RPS24: variants seen among roughly 807,000 people sequenced by gnomAD.
RPS24 encodes ribosomal protein S24, also known as small ribosomal subunit protein eS24.
For synonymous variants in RPS24, 72 were observed against 55.6 expected (o/e 1.30, Z -1.31); for missense variants, 100 against 162.5 (o/e 0.62, Z 2.09).
downstream of RPS24, among the ~76,000 whole-genome samples, chr10:78,042,275 C>G (rs187271517): frequency 6.6e-6 from 1 of 152,310 alleles, no homozygotes; most frequent in Non-Finnish European, 1.5e-5. Flanking sequence ...TCTACCTGCC[C>G]TCTGGTCTTC....
intron 4 of RPS24, 172 bp downstream of exon 4, chr10:78,037,476 C>T: frequency 9.1e-7 from 1 of 1,096,544 alleles, no homozygotes; most frequent in Non-Finnish European, 1.3e-6. Context: ...AGCATAGTGT[C>T]TTAACACCTC....
At chr10:78,051,410 G>A (rs1297886924) in intron 4 of RPS24, among the ~76,000 whole-genome samples, 1 of 152,218 alleles carries the variant, frequency 6.6e-6, no homozygotes, top group Non-Finnish European at 1.5e-5. Context: ...CCACACCGTA[G>A]CATGTATCAG....
chr10:78,052,020 T>C (rs1302276355), intron 4 of RPS24, among the ~76,000 whole-genome samples: 1 of 151,968 alleles, frequency 6.6e-6, no homozygotes, highest in Non-Finnish European at 1.5e-5. Flanking sequence ...ATTTTTAAAA[T>C]TTATTTATTT....
rs376045832 is a variant in RPS24, at chr10:78,037,026, TTGA to T, written c.280-163_280-161del. Among the ~76,000 whole-genome samples, 65 of 152,334 alleles carry T rather than the reference TTGA, an allele frequency of 4.3e-4. No homozygotes were observed. The East Asian group carries it at 6.2e-3, about 14-fold the overall frequency. On this transcript the variant is annotated intron_variant, in intron 3 of 5. Transcript: ENST00000372360. ...GAGGCTATTCCATACCTAAAATCCC[TTGA>T]TGATCCTTTCTGTTCCAGCAAAAAC...
At position 78,035,737 on chromosome 10, in the gene RPS24, T is replaced by G; in HGVS notation, c.279+17T>G. On this transcript the variant is annotated intron_variant, in intron 3 of 5. Coordinates refer to ENST00000372360, the MANE Select transcript of RPS24 (RefSeq NM_033022.4). ...CTTGCAAGAGTAGGTGTCTTTTCAT[T>G]TGTTGATCAGCTCCTGAAGACCTAT... 6.3e-7 allele frequency: 1 copy of G among 1,590,332 alleles called. No individual in the cohort carries two copies. Among genetic ancestry groups the G allele is most frequent in the South Asian group, 1.1e-5 (1 of 90,854 alleles).
At chr10:78,036,356 GCAGTGGTA>G (rs1246235665) in intron 3 of RPS24, 1 of 157,612 alleles carries the variant, frequency 6.3e-6, no homozygotes, top group Non-Finnish European at 1.4e-5. Context: ...AGGCTGGAGT[GCAGTGGTA>G]CAATCTCCTT....
chr10:78,047,696 G>A (rs1267539441), intron 4 of RPS24, among the ~76,000 whole-genome samples: 3 of 152,182 alleles, frequency 2.0e-5, no homozygotes, highest in Non-Finnish European at 4.4e-5. Context: ...CTACCCATCC[G>A]TGCTGCGAGG....
chr10:78,055,047 A>G (rs1354588689), exon 5 of RPS24: 1 of 1,456,952 alleles, frequency 6.9e-7, no homozygotes, highest in African/African-American at 1.4e-5. Context: ...ATTTCTGAGG[A>G]TGCTTCATCT....
chr10:78,042,560 C>G (rs1847997739), downstream of RPS24, among the ~76,000 whole-genome samples: 1 of 152,214 alleles, frequency 6.6e-6, no homozygotes, highest in African/African-American at 2.4e-5. Context: ...TCACAGTAAC[C>G]AGGCTACCCT....
downstream of RPS24, among the ~76,000 whole-genome samples, chr10:78,042,212 A>G (rs1314747938): frequency 6.6e-6 from 1 of 152,226 alleles, no homozygotes; most frequent in Non-Finnish European, 1.5e-5. Context: ...CTGTTGGGAC[A>G]GGTATTCTCT....
At chr10:78,049,443 A>C (rs1178873401) in intron 4 of RPS24, among the ~76,000 whole-genome samples, 1 of 152,194 alleles carries the variant, frequency 6.6e-6, no homozygotes, top group East Asian at 1.9e-4. Flanking sequence ...AAGTCAGCTT[A>C]CACTGCCTTG....
chr10:78,042,869 TC>T (rs1324733067), downstream of RPS24, among the ~76,000 whole-genome samples: 2 of 152,186 alleles, frequency 1.3e-5, no homozygotes, highest in East Asian at 1.9e-4. Flanking sequence ...TCTGCACTCT[TC>T]CTTTCTTCCC....
intron 1 of RPS24, among the ~76,000 whole-genome samples, chr10:78,035,098 C>A (rs1847834136): frequency 6.6e-6 from 1 of 152,158 alleles, no homozygotes; most frequent in South Asian, 2.1e-4. Context: ...AGAAACCCTG[C>A]CCCAGAGATA....
At chr10:78,039,329 A>G (rs1847941925) in intron 4 of RPS24, 1 of 152,210 alleles carries the variant, frequency 6.6e-6, no homozygotes, top group Non-Finnish European at 1.5e-5. Flanking sequence ...CCAGCCTTTG[A>G]GCCCTATGAG....
chr10:78,041,068 G>A (rs1000825155), downstream of RPS24, among the ~76,000 whole-genome samples: 2 of 151,834 alleles, frequency 1.3e-5, no homozygotes, highest in East Asian at 1.9e-4. Context: ...GATTGAACTC[G>A]GGCTCAAGCG....
At chr10:78,033,997 C>A in intron 1 of RPS24, 93 bp downstream of exon 1, 1 of 1,496,954 alleles carries the variant, frequency 6.7e-7, no homozygotes, top group Non-Finnish European at 9.3e-7. Flanking sequence ...GCACGCGAAG[C>A]CCGGTTGCTC....
chr10:78,041,592 A>G (rs1393798032), downstream of RPS24, among the ~76,000 whole-genome samples: 1 of 152,142 alleles, frequency 6.6e-6, no homozygotes, highest in Non-Finnish European at 1.5e-5. Flanking sequence ...GCTGAAGGTA[A>G]TGCTAGGGGC....
At chr10:78,047,136 TG>T (rs1237389204) in intron 4 of RPS24, among the ~76,000 whole-genome samples, 11 of 151,694 alleles carry the variant, frequency 7.3e-5, no homozygotes, top group Non-Finnish European at 1.3e-4. Flanking sequence ...TTTTTTTTTT[TG>T]TACTTTTTAG....
chr10:78,035,755 A>G (rs751802900), intron 3 of RPS24, 35 bp downstream of exon 3: 34 of 1,551,060 alleles, frequency 2.2e-5, no homozygotes, highest in South Asian at 7.8e-5. Flanking sequence ...CAGCTCCTGA[A>G]GACCTATTTT....
Sources: gnomAD v4.1 joint callset for allele counts (sites outside exome capture counted in the v4.1 genomes callset) on GRCh38, gnomAD v4.1.1 for gene constraint, MANE v1.5 for transcripts, NCBI Gene and HGNC (gene_info 2026-07-23, HGNC 2026-07-21) for gene names.